The following OLAH variants were observed in gnomAD, a reference collection of about 807,000 sequenced individuals.
OLAH encodes the protein S-acyl fatty acid synthase thioesterase, medium chain.
OLAH carries 33 observed loss-of-function variants against 27.8 expected under a neutral mutation model. The ratio of observed to expected loss-of-function variants is 1.19; its 90% confidence interval spans 0.90 to 1.59. The LOEUF (loss-of-function observed/expected upper bound fraction) is 1.59. Ranked by LOEUF, OLAH falls within the 40% of genes most tolerant of loss-of-function variation. The pLI is 0.00. For synonymous variants in OLAH, 120 were observed against 102.9 expected (o/e 1.17, Z -1.01); for missense variants, 359 against 310.8 (o/e 1.16, Z -1.17).
In OLAH at chr10:15,073,544, C is replaced by T. The variant is rs1844636278; in HGVS notation, c.*315C>T. ...GCGTGGTGGTGGGCACCTGTAGTCC[C>T]AGCTACTCGGGAGGCTGAGGCAGGA... On this transcript the variant is annotated 3_prime_UTR_variant, in exon 8 of 8. Transcript: ENST00000378228. 5.0e-6 allele frequency: 1 copy of T among 200,168 alleles called. No homozygotes were observed. The highest frequency in any genetic ancestry group is 1.0e-5 in the Non-Finnish European group (1 of 99,966). The allele number at this position is 200,168 out of a possible 1,614,324, so 12.4% of individuals were successfully genotyped here.
In OLAH at chr10:15,047,229, C is replaced by T; in HGVS notation, c.-60C>T. On this transcript the variant is annotated 5_prime_UTR_variant, in exon 2 of 8. Transcript: ENST00000378228. ...GGTTCTTCGTCTCAAGAGGAACTGACTTCTGTTGAGCACTCAACACGCCAC... is the reference window on the plus strand; with the variant it reads ...GGTTCTTCGTCTCAAGAGGAACTGATTTCTGTTGAGCACTCAACACGCCAC... The T allele has an allele frequency of 6.3e-7, 1 of 1,584,558 alleles. No homozygotes were observed. Among genetic ancestry groups the T allele is most frequent in the Non-Finnish European group, 8.6e-7 (1 of 1,158,428 alleles).
At chr10:15,059,572 AG>A (rs1285287437) in intron 3 of OLAH, among the ~76,000 whole-genome samples, 2 of 150,840 alleles carry the variant, frequency 1.3e-5, no homozygotes, top group African/African-American at 4.9e-5. Context: ...TTGGGAGGCC[AG>A]GGTGGGCAGA....
chr10:15,064,401 A>C lies in OLAH; in HGVS notation c.303-2A>C. The C allele has an allele frequency of 1.9e-6, 3 of 1,566,182 alleles. No homozygotes were observed. Among genetic ancestry groups the C allele is most frequent in the Non-Finnish European group, 2.6e-6 (3 of 1,147,396 alleles). On this transcript the variant is annotated splice_acceptor_variant, in intron 4 of 7. Transcript: ENST00000378228. LOFTEE classifies it high-confidence loss of function. ...TGTCATGTTTTTCTTTGCTGAATTT[A>C]GTATGGGATCCTACATTGCTTTTAG... is the stretch of plus-strand genomic sequence containing the variant.
At chr10:15,060,268 C>G (rs1203019624) in intron 3 of OLAH, among the ~76,000 whole-genome samples, 1 of 152,156 alleles carries the variant, frequency 6.6e-6, no homozygotes, top group Non-Finnish European at 1.5e-5. Context: ...CTCCCAGGCT[C>G]AAGTGATTTT....
intron 3 of OLAH, among the ~76,000 whole-genome samples, chr10:15,056,038 C>T (rs1844239051): frequency 6.6e-6 from 1 of 151,922 alleles, no homozygotes. Flanking sequence ...TTAGTAGAGA[C>T]AGGATTTCAC....
intron 1 of OLAH, among the ~76,000 whole-genome samples, chr10:15,036,043 A>G (rs935370106): frequency 3.9e-5 from 6 of 152,194 alleles, no homozygotes; most frequent in Non-Finnish European, 8.8e-5. Flanking sequence ...TATGCCTGCA[A>G]TGAGAAACCA....
upstream of OLAH, among the ~76,000 whole-genome samples, chr10:15,042,410 C>A (rs541183885): frequency 5.9e-5 from 9 of 152,276 alleles, no homozygotes; most frequent in African/African-American, 2.2e-4. Flanking sequence ...GTCTTGGCCT[C>A]CTGAAGTGCT....
intron 1 of OLAH, among the ~76,000 whole-genome samples, chr10:15,038,440 T>G (rs2131328327): frequency 1.3e-5 from 2 of 152,246 alleles, no homozygotes; most frequent in Non-Finnish European, 2.9e-5. Flanking sequence ...TCATCTCGAA[T>G]TGTAACTCCC....
chr10:15,039,376 G>A (rs369070389), upstream of OLAH, among the ~76,000 whole-genome samples: 6 of 152,224 alleles, frequency 3.9e-5, no homozygotes, highest in East Asian at 7.7e-4. Context: ...TCAGGAGTTC[G>A]AGACCAGCCT....
chr10:15,038,081 C>G (rs1843869253), intron 1 of OLAH, among the ~76,000 whole-genome samples: 1 of 152,230 alleles, frequency 6.6e-6, no homozygotes. Context: ...CAAAGGAGAT[C>G]ACTTTGGAGT....
At chr10:15,057,156 C>A (rs752218190) in intron 3 of OLAH, among the ~76,000 whole-genome samples, 72 of 152,028 alleles carry the variant, frequency 4.7e-4, no homozygotes, top group Admixed American at 2.6e-4. Context: ...AACCCTATAC[C>A]CTAACCCCAA....
At chr10:15,040,925 C>T (rs540691596), upstream of OLAH, among the ~76,000 whole-genome samples, 109 of 152,308 alleles carry the variant, frequency 7.2e-4, 1 homozygote, top group Middle Eastern at 3.4e-3. Flanking sequence ...TCCTGCCTCC[C>T]TCTTAAGCAC....
chr10:15,033,790 G>A (rs1326835146), intron 1 of OLAH, among the ~76,000 whole-genome samples: 3 of 152,144 alleles, frequency 2.0e-5, no homozygotes, highest in African/African-American at 4.8e-5. Context: ...GGAAGGGGCT[G>A]AACTGACCCT....
At chr10:15,056,812 A>G in intron 3 of OLAH, 1 of 1,454,884 alleles carries the variant, frequency 6.9e-7, no homozygotes, top group East Asian at 2.7e-5. Flanking sequence ...ATTTTATTTT[A>G]TTTTTTTGTA....
chr10:15,042,660 GTCTCCATA>G (rs1049761581), upstream of OLAH, among the ~76,000 whole-genome samples: 2 of 152,034 alleles, frequency 1.3e-5, no homozygotes, highest in Non-Finnish European at 1.5e-5. Context: ...CTCTCCCACA[GTCTCCATA>G]TCTAAGAAAT....
intron 2 of OLAH, among the ~76,000 whole-genome samples, chr10:15,049,415 G>A (rs1025770693): frequency 4.6e-5 from 7 of 152,136 alleles, no homozygotes; most frequent in Admixed American, 1.3e-4. Context: ...TTACAGGCAT[G>A]AGCTACCATG....
At position 15,061,413 on chromosome 10, in the gene OLAH, T is replaced by C. The variant is rs796141682; in HGVS notation, c.164-311T>C. On this transcript the variant is annotated intron_variant, in intron 3 of 7. Coordinates refer to ENST00000378228, the MANE Select transcript of OLAH (RefSeq NM_001039702.3). ...AACCTGATGTTTTATTTTCCTGATA[T>C]AGGTAACGGTTGTTGGGGTAAGCAT... Among the ~76,000 whole-genome samples the C allele has an allele frequency of 3.3e-5, 5 of 152,268 alleles. 1 individual carries two copies. In the Middle Eastern group the frequency reaches 0.01, roughly 311 times the overall value.
At chr10:15,037,024 A>C (rs991816172) in intron 1 of OLAH, among the ~76,000 whole-genome samples, 1 of 152,104 alleles carries the variant, frequency 6.6e-6, no homozygotes, top group African/African-American at 2.4e-5. Context: ...GGTTGCAGTG[A>C]GCCAAGATCG....
At chr10:15,072,942 G>T (rs1017994703) in intron 7 of OLAH, 145 bp from the exon 8 acceptor site, 19 of 727,090 alleles carry the variant, frequency 2.6e-5, no homozygotes, top group Admixed American at 1.5e-4. Context: ...GTCCAAGATG[G>T]CAATGCTCCT....
Sources: gnomAD v4.1 joint callset for allele counts (sites outside exome capture counted in the v4.1 genomes callset) on GRCh38, gnomAD v4.1.1 for gene constraint, MANE v1.5 for transcripts, NCBI Gene and HGNC (gene_info 2026-07-23, HGNC 2026-07-21) for gene names.